Variants in CBX2 observed in about 807,000 individuals in gnomAD.
CBX2 encodes chromobox 2.
CBX2 carries 11 observed loss-of-function variants against 21.0 expected under a neutral mutation model. The observed-to-expected ratio is 0.52, with a 90% CI of 0.33 to 0.87. The LOEUF is 0.87. Ranked by LOEUF, CBX2 falls within the 40% of genes least tolerant of loss-of-function variation. The pLI is 0.02. For synonymous variants in CBX2, 364 were observed against 304.6 expected (o/e 1.19, Z -2.03); for missense variants, 746 against 724.3 (o/e 1.03, Z -0.34).
At chr17:79,777,560 G>A (rs1048571066), upstream of CBX2, among the ~76,000 whole-genome samples, 4 of 152,176 alleles carry the variant, frequency 2.6e-5, no homozygotes, top group Non-Finnish European at 4.4e-5. Context: ...TCGGCTGCTG[G>A]GGTTTGTGGG....
At chr17:79,780,813 G>A (rs1389992455) in intron 3 of CBX2, among the ~76,000 whole-genome samples, 2 of 152,142 alleles carry the variant, frequency 1.3e-5, no homozygotes, top group African/African-American at 2.4e-5. Context: ...ATATTTCAGC[G>A]GAGGAGATCC....
At chr17:79,779,673 G>A (rs536388623) in intron 3 of CBX2, 4 of 554,326 alleles carry the variant, frequency 7.2e-6, no homozygotes, top group South Asian at 6.6e-5. Flanking sequence ...CTGCTTTGGT[G>A]TTTCCGACAG....
chr17:79,784,904 TCAGAC>T lies in CBX2; in HGVS notation c.1465_1469del (p.Thr489ProfsTer66), dbSNP rs1907531341. 6.2e-7 allele frequency: 1 copy of T among 1,613,470 alleles called. No individual in the cohort carries two copies. The highest frequency in any genetic ancestry group is 8.5e-7 in the Non-Finnish European group (1 of 1,180,034). On this transcript the variant is annotated frameshift_variant, in exon 5 of 5. Transcript: ENST00000310942. LOFTEE classifies it high-confidence loss of function. The surrounding 1 kb of genome is among the most constrained non-coding windows in gnomAD (Gnocchi z 5.9). ...CTGGACAGAACCCGTCAGTGTCCGT[TCAGAC>T]CAGCCAGGACTGGAAGCCCACCCGC...
chr17:79,784,085 G>A lies in CBX2; in HGVS notation c.642G>A (p.Leu214=), dbSNP rs1555831063. 1.9e-6 allele frequency: 3 copies of A among 1,612,244 alleles called. No homozygotes were observed. The South Asian group carries it at 3.3e-5, about 18-fold the overall frequency. Residue 214 remains leucine (L), a synonymous_variant, in exon 5 of 5, where the codon CTG becomes CTA. Coordinates refer to ENST00000310942, the MANE Select transcript of CBX2 (RefSeq NM_005189.3). The surrounding 1 kb of genome is among the most constrained non-coding windows in gnomAD (Gnocchi z 5.9). Reference sequence around the variant, plus strand: ...CCCCCGTTGCAGGCCTGGCAGCTCTGAAGGCCCACGCCAAGGAGGCCTGTG... The same window carrying A: ...CCCCCGTTGCAGGCCTGGCAGCTCTAAAGGCCCACGCCAAGGAGGCCTGTG... ...LSAPVAGLAA[L]KAHAKEACGG... is the part of the protein sequence containing the mutation.
In CBX2 at chr17:79,785,802, T is replaced by TC. The variant is rs1907596006; in HGVS notation, c.*763dup. 6.6e-6 allele frequency: 1 copy of TC among 152,410 alleles called. No individual in the cohort carries two copies. The highest frequency in any genetic ancestry group is 6.5e-5 in the Admixed American group (1 of 15,292). 9.4% of individuals were successfully genotyped at this position (152,410 alleles called of 1,614,324 possible). On this transcript the variant is annotated 3_prime_UTR_variant, in exon 5 of 5. Transcript: ENST00000310942. ...GCCAGCGTGGGTGGGGCGGGGGTGGTCCCACAGCTGGGTTCCACCTGAAGA... is the reference window on the plus strand; with the variant it reads ...GCCAGCGTGGGTGGGGCGGGGGTGGTCCCCACAGCTGGGTTCCACCTGAAGA...
rs1218262089 is a variant in CBX2 at position 79,781,702 on chromosome 17, T to C, written c.189T>C (p.His63=). 15 of 1,613,162 alleles carry C rather than the reference T, an allele frequency of 9.3e-6. No individual in the cohort carries two copies. The highest frequency in any genetic ancestry group is 1.3e-5 in the Non-Finnish European group (15 of 1,179,356). ...RLLLAFQKKE[H]EKEVQNRKRG... is the part of the protein sequence containing the mutation. ...ACTAGTGGTGTGCCTTCAGGGAACA[T>C]GAGAAGGAGGTGCAGAACCGGAAGA... Residue 63 remains histidine (H), a synonymous_variant, in exon 4 of 5, where the codon CAT becomes CAC. Coordinates refer to ENST00000310942, the MANE Select transcript of CBX2 (RefSeq NM_005189.3).
At chr17:79,783,693 A>G (rs1555830924) in intron 4 of CBX2, 39 bp from the exon 5 acceptor site, 1 of 1,520,802 alleles carries the variant, frequency 6.6e-7, no homozygotes, top group East Asian at 2.5e-5. Context: ...TACAGGCGTG[A>G]GCCACTGCAC....
At chr17:79,780,848 G>C (rs893854064) in intron 3 of CBX2, among the ~76,000 whole-genome samples, 1 of 152,188 alleles carries the variant, frequency 6.6e-6, no homozygotes, top group Non-Finnish European at 1.5e-5. Flanking sequence ...TGTCCTTTTA[G>C]GAGATTTCAG....
intron 4 of CBX2, among the ~76,000 whole-genome samples, chr17:79,783,360 G>A (rs782260748): frequency 2.2e-4 from 33 of 152,076 alleles, no homozygotes; most frequent in Middle Eastern, 3.4e-3. Flanking sequence ...ACAGCATGGC[G>A]CTCTGGACCC....
chr17:79,778,379 C>G lies in CBX2; in HGVS notation c.73-5C>G, dbSNP rs782689118. ...TGGCTCACGGCCCCTCTTCTCTCCC[C>G]GCAGGGCAAGCTGGAGTACCTGGTC... On this transcript the variant is annotated splice_polypyrimidine_tract_variant and splice_region_variant and intron_variant, in intron 1 of 4. Transcript: ENST00000310942. The surrounding 1 kb of genome is among the most constrained non-coding windows in gnomAD (Gnocchi z 4.8). 1.3e-6 allele frequency: 2 copies of G among 1,584,346 alleles called. No individual in the cohort carries two copies. Among genetic ancestry groups the G allele is most frequent in the East Asian group, 2.3e-5 (1 of 43,520 alleles).
Position 79,785,123 on chromosome 17 carries a change from G to T in CBX2, c.*81G>T. 3.2e-6 allele frequency: 4 copies of T among 1,250,810 alleles called. No individual in the cohort carries two copies. Among genetic ancestry groups the T allele is most frequent in the Non-Finnish European group, 4.6e-6 (4 of 868,458 alleles). 77.5% of individuals were successfully genotyped at this position (1,250,810 alleles called of 1,614,324 possible). On this transcript the variant is annotated 3_prime_UTR_variant, in exon 5 of 5. Transcript: ENST00000310942. ...CTTGGCTAAGTGACTCCCAGCCCAA[G>T]CCCCCTCAAGAGTCTGGGTCGGGGG...
chr17:79,783,863 C>T lies in CBX2; in HGVS notation c.420C>T (p.His140=), dbSNP rs142511410. Residue 140 remains histidine (H), a synonymous_variant, in exon 5 of 5, where the codon CAC becomes CAT. Transcript: ENST00000310942. ...GGGGTCCCCGGGGCCGCGAGACCCA[C>T]CCAGTGCCGCAGAAGAAGGCCCAGA... is the stretch of plus-strand genomic sequence containing the variant. ...AKRGPRGRET[H]PVPQKKAQIL... The T allele has an allele frequency of 1.2e-3, 2,016 of 1,614,000 alleles. 4 individuals carry two copies. Among genetic ancestry groups the T allele is most frequent in the Non-Finnish European group, 1.6e-3 (1,936 of 1,179,956 alleles).
chr17:79,781,626 CAT>C, intron 3 of CBX2, 68 bp from the exon 4 acceptor site: 1 of 1,333,372 alleles, frequency 7.5e-7, no homozygotes, highest in Non-Finnish European at 1.1e-6. Flanking sequence ...TGCTGGAAGC[CAT>C]AGAGTCCCAC....
chr17:79,778,206 G>T lies in CBX2; in HGVS notation c.-30G>T. ...GGTCCGGGCGGGTGACTGGCGGCGG[G>T]CGCCGCGGTCGGGCTGGCTGCCGGG... On this transcript the variant is annotated 5_prime_UTR_variant, in exon 1 of 5. Transcript: ENST00000310942. This position sits in a 1 kb window ranked among gnomAD's most constrained non-coding sequence, Gnocchi z 4.8. 7.7e-7 allele frequency: 1 copy of T among 1,291,952 alleles called. No homozygotes were observed. Among genetic ancestry groups the T allele is most frequent in the Admixed American group, 3.7e-5 (1 of 26,976 alleles). The allele number at this position is 1,291,952 out of a possible 1,614,324, so 80.0% of individuals were successfully genotyped here. A position where few individuals can be genotyped will look rare whatever the true frequency, so the allele number is the denominator to read the frequency against.
At chr17:79,781,654 C>T (rs782260786) in intron 3 of CBX2, 42 bp from the exon 4 acceptor site, 192 of 1,527,610 alleles carry the variant, frequency 1.3e-4, no homozygotes, top group South Asian at 4.1e-4. Flanking sequence ...AGAAGGGGTA[C>T]GCACAGGGCT....
At position 79,784,890 on chromosome 17, in the gene CBX2, C is replaced by G. The variant is rs1555831425; in HGVS notation, c.1447C>G (p.Pro483Ala). Reference sequence around the variant, plus strand: ...CTCGCCGCCCAGCACTGGACAGAACCCGTCAGTGTCCGTTCAGACCAGCCA... The same window carrying G: ...CTCGCCGCCCAGCACTGGACAGAACGCGTCAGTGTCCGTTCAGACCAGCCA... ...SASPPSTGQN[P>A]SVSVQTSQDW... The change falls in exon 5 of 5, where the codon CCG (proline) becomes GCG (alanine). Residue 483 changes from proline (P) to alanine (A), a missense_variant. Pro to Ala is a conservative substitution (Grantham distance 27, BLOSUM62 -1). This residue lies in a region of CBX2 where 701 missense variants were observed against 650.7 expected (regional missense o/e 1.08). Transcript: ENST00000310942. The surrounding 1 kb of genome is among the most constrained non-coding windows in gnomAD (Gnocchi z 5.9). 1 of 1,613,500 alleles carries G rather than the reference C, an allele frequency of 6.2e-7. No homozygotes were observed. The highest frequency in any genetic ancestry group is 8.5e-7 in the Non-Finnish European group (1 of 1,180,040).
In CBX2 at chr17:79,778,282, G is replaced by A. The variant is rs1555829371; in HGVS notation, c.47G>A (p.Cys16Tyr). Residue 16 changes from cysteine to tyrosine, a missense_variant, in exon 1 of 5, where the codon TGC becomes TAC. Physicochemically the swap from Cys to Tyr is radical, Grantham distance 194. Coordinates refer to ENST00000310942, the MANE Select transcript of CBX2 (RefSeq NM_005189.3). The surrounding 1 kb of genome is among the most constrained non-coding windows in gnomAD (Gnocchi z 4.8). ...SVGEQVFAAECILSKRLRKGK... is the reference protein window; with the variant it reads ...SVGEQVFAAEYILSKRLRKGK... ...GGCGAGCAGGTCTTCGCCGCCGAGT[G>A]CATCCTGAGCAAGCGGCTCCGCAAG... The A allele has an allele frequency of 5.2e-6, 8 of 1,545,954 alleles. No homozygotes were observed. The highest frequency in any genetic ancestry group is 1.9e-5 in the Admixed American group (1 of 53,522).
At position 79,785,122 on chromosome 17, in the gene CBX2, AG is replaced by A; in HGVS notation, c.*81del. ...GCTTGGCTAAGTGACTCCCAGCCCAAGCCCCCTCAAGAGTCTGGGTCGGGGG... is the reference window on the plus strand; with the variant it reads ...GCTTGGCTAAGTGACTCCCAGCCCAACCCCCTCAAGAGTCTGGGTCGGGGG... On this transcript the variant is annotated 3_prime_UTR_variant, in exon 5 of 5. Coordinates refer to ENST00000310942, the MANE Select transcript of CBX2 (RefSeq NM_005189.3). 8.0e-7 allele frequency: 1 copy of A among 1,247,518 alleles called. No homozygotes were observed. Among genetic ancestry groups the A allele is most frequent in the Non-Finnish European group, 1.2e-6 (1 of 865,484 alleles). 77.3% of individuals were successfully genotyped at this position (1,247,518 alleles called of 1,614,324 possible).
upstream of CBX2, among the ~76,000 whole-genome samples, chr17:79,777,312 G>T (rs1419489532): frequency 2.6e-5 from 4 of 152,208 alleles, no homozygotes; most frequent in African/African-American, 9.6e-5. Flanking sequence ...GACCTAGTCC[G>T]AAGTTAGGAA....
Sources: allele counts gnomAD v4.1 joint callset (sites outside exome capture counted in the v4.1 genomes callset), GRCh38; gene constraint gnomAD v4.1.1; regional missense constraint gnomAD v4.1.1; non-coding constraint Gnocchi (gnomAD v3.1); transcripts MANE v1.5; gene names NCBI Gene and HGNC (gene_info 2026-07-23, HGNC 2026-07-21).